The following LARP1B variants were observed in gnomAD, a reference collection of about 807,000 sequenced individuals.
LARP1B encodes the protein la-related protein 1B.
Under a neutral mutation model 114.2 loss-of-function variants are expected in LARP1B, and 76 were observed. The ratio of observed to expected loss-of-function variants is 0.67; its 90% CI spans 0.55 to 0.81. LARP1B has a LOEUF of 0.81. Ranked by LOEUF, LARP1B falls within the 30% of genes least tolerant of loss-of-function variation. The pLI is 0.00. For synonymous variants in LARP1B, 345 were observed against 348.0 expected (o/e 0.99, Z 0.10); for missense variants, 1,014 against 1,075.8 (o/e 0.94, Z 0.80).
intron 15 of LARP1B, among the ~76,000 whole-genome samples, chr4:128,182,351 TCTC>T (rs1255938257): frequency 6.6e-6 from 1 of 151,832 alleles, no homozygotes; most frequent in Non-Finnish European, 1.5e-5. Flanking sequence ...CTCAAGCAGT[TCTC>T]CTATCTCGGC....
At chr4:128,091,599 ATT>A (rs369786648) in intron 7 of LARP1B, 87 bp downstream of exon 7, 4,012 of 827,472 alleles carry the variant, frequency 4.8e-3, no homozygotes, top group South Asian at 8.3e-3. Context: ...ATATGCTATA[ATT>A]TTTTTTTTTT....
intron 4 of LARP1B, among the ~76,000 whole-genome samples, chr4:128,079,199 A>G (rs989938464): frequency 2.0e-5 from 3 of 151,518 alleles, no homozygotes; most frequent in Non-Finnish European, 2.9e-5. Flanking sequence ...GGTTCTAGGA[A>G]TTCTTCTGCC....
At chr4:128,170,844 T>A (rs1743235450) in intron 12 of LARP1B, among the ~76,000 whole-genome samples, 1 of 151,032 alleles carries the variant, frequency 6.6e-6, no homozygotes, top group Non-Finnish European at 1.5e-5. Flanking sequence ...TAGGTCAACC[T>A]TTTTATTATT....
Position 128,121,934 on chromosome 4 carries a change from C to T in LARP1B, c.1270C>T (p.Arg424Ter), listed in dbSNP as rs778089602. Reference protein sequence around the residue: ...LFDEEIEQIGRKNTFTDWSDN... With the variant: ...LFDEEIEQIG The stretch of plus-strand genomic sequence containing the variant: ...TGATGAAGAGATTGAACAAATAGGA[C>T]GAAAAAACACATTTACTGATTGGTC... Residue 424 changes from arginine to a stop codon, truncating the protein, a stop_gained, in exon 11 of 20, where the codon CGA becomes TGA. Transcript: ENST00000326639. LOFTEE classifies it high-confidence loss of function. The T allele has an allele frequency of 1.6e-5, 25 of 1,612,294 alleles. No individual in the cohort carries two copies. The highest frequency in any genetic ancestry group is 8.9e-5 in the East Asian group (4 of 44,870).
intron 12 of LARP1B, among the ~76,000 whole-genome samples, chr4:128,162,628 G>A (rs1738996320): frequency 6.6e-6 from 1 of 152,076 alleles, no homozygotes; most frequent in Non-Finnish European, 1.5e-5. Context: ...CTGATCCTTA[G>A]AATGCGCTAG....
chr4:128,148,107 G>A (rs796435833), intron 11 of LARP1B, among the ~76,000 whole-genome samples: 13 of 152,198 alleles, frequency 8.5e-5, no homozygotes, highest in African/African-American at 2.9e-4. Flanking sequence ...AGTAAAATAC[G>A]TATCACTTTA....
chr4:128,152,613 A>T (rs1020151501), intron 11 of LARP1B, among the ~76,000 whole-genome samples: 2 of 150,914 alleles, frequency 1.3e-5, no homozygotes, highest in Non-Finnish European at 1.5e-5. Context: ...GTTATTCCCT[A>T]TATGTCTGTT....
intron 7 of LARP1B, chr4:128,093,027 C>T (rs1776428029): frequency 5.1e-6 from 5 of 985,234 alleles, no homozygotes; most frequent in South Asian, 4.7e-5. Context: ...TCCAGAGCCT[C>T]TAAGGTAGGA....
intron 5 of LARP1B, among the ~76,000 whole-genome samples, chr4:128,090,106 TCTGTAGCCCAGG>T (rs1022858426): frequency 6.7e-6 from 1 of 149,104 alleles, no homozygotes; most frequent in African/African-American, 2.5e-5. Context: ...GGAATCTCGC[TCTGTAGCCCAGG>T]CTGGAGTGCA....
chr4:128,120,527 C>A (rs906331448), intron 10 of LARP1B, among the ~76,000 whole-genome samples: 2 of 150,946 alleles, frequency 1.3e-5, no homozygotes, highest in Admixed American at 6.6e-5. Context: ...CAGCTCACTG[C>A]AGCCTCCGCC....
intron 6 of LARP1B, chr4:128,220,238 A>G (rs1759907651): frequency 1.0e-5 from 2 of 198,460 alleles, no homozygotes; most frequent in Admixed American, 6.5e-5. Flanking sequence ...GACATTCTGT[A>G]TGCTTCTTGC....
At chr4:128,082,110 C>G in intron 4 of LARP1B, 55 bp from the exon 5 acceptor site, 6 of 1,529,534 alleles carry the variant, frequency 3.9e-6, no homozygotes, top group Non-Finnish European at 5.4e-6. Context: ...TTTCAAATTG[C>G]AAGGGTTTAG....
chr4:128,175,505 C>G (rs1475087110), intron 12 of LARP1B, among the ~76,000 whole-genome samples: 1 of 152,106 alleles, frequency 6.6e-6, no homozygotes, highest in African/African-American at 2.4e-5. Flanking sequence ...TTCTGCAATC[C>G]TTACATAAAA....
intron 1 of LARP1B, among the ~76,000 whole-genome samples, chr4:128,070,285 A>G (rs1764713552): frequency 6.6e-6 from 1 of 151,810 alleles, no homozygotes; most frequent in Admixed American, 6.6e-5. Flanking sequence ...GCACCACTGC[A>G]CTCCAGCCTG....
chr4:128,073,601 T>TTG (rs1766557953), intron 1 of LARP1B, among the ~76,000 whole-genome samples: 2 of 97,354 alleles, frequency 2.1e-5, no homozygotes, highest in Non-Finnish European at 4.1e-5. Flanking sequence ...TTTTTTTTTT[T>TTG]TTTTTTTTGG....
chr4:128,067,995 C>T (rs1346113491), intron 1 of LARP1B, among the ~76,000 whole-genome samples: 3 of 151,948 alleles, frequency 2.0e-5, no homozygotes, highest in African/African-American at 7.3e-5. Flanking sequence ...ATTCTCCTGC[C>T]TCAGCCTCCC....
chr4:128,154,497 AT>A (rs1734485231), intron 11 of LARP1B, among the ~76,000 whole-genome samples: 1 of 152,098 alleles, frequency 6.6e-6, no homozygotes, highest in Non-Finnish European at 1.5e-5. Flanking sequence ...GCTTTTACAT[AT>A]TTTCATTGTC....
At chr4:128,157,927 A>T (rs1422507465) in intron 11 of LARP1B, among the ~76,000 whole-genome samples, 2 of 152,172 alleles carry the variant, frequency 1.3e-5, no homozygotes, top group African/African-American at 4.8e-5. Flanking sequence ...AAGGTTGGAG[A>T]TGCAGGAAGA....
chr4:128,142,334 C>G (rs1728405096), intron 11 of LARP1B, among the ~76,000 whole-genome samples: 1 of 151,912 alleles, frequency 6.6e-6, no homozygotes, highest in Non-Finnish European at 1.5e-5. Context: ...GAACAAAGAC[C>G]AGATGGTTAT....
Sources: gnomAD v4.1 joint callset for allele counts (sites outside exome capture counted in the v4.1 genomes callset) on GRCh38, gnomAD v4.1.1 for gene constraint, MANE v1.5 for transcripts, NCBI Gene and HGNC (gene_info 2026-07-23, HGNC 2026-07-21) for gene names.